SLC23A2: variants seen among roughly 807,000 people sequenced by gnomAD.
SLC23A2 encodes Na(+)/L-ascorbic acid transporter 2.
A neutral mutation model predicts 73.3 loss-of-function variants in SLC23A2; 36 were observed. The ratio of observed to expected loss-of-function variants is 0.49; its 90% CI spans 0.38 to 0.65. SLC23A2 has a LOEUF of 0.65. Ranked by LOEUF, SLC23A2 falls within the 30% of genes least tolerant of loss-of-function variation. SLC23A2 has a pLI of 0.00. For missense variants in SLC23A2, 507 were observed against 841.6 expected, an observed-to-expected ratio of 0.60 and a Z score of 4.92; for synonymous variants, 343 against 327.3, an observed-to-expected ratio of 1.05 and a Z score of -0.52.
chr20:4,969,719 G>A (rs1454731072), intron 2 of SLC23A2, among the ~76,000 whole-genome samples: 1 of 151,718 alleles, frequency 6.6e-6, no homozygotes, highest in Non-Finnish European at 1.5e-5. Flanking sequence ...AGAGTAGCTG[G>A]GACTATAGGC....
intron 8 of SLC23A2, among the ~76,000 whole-genome samples, chr20:4,884,494 T>C (rs1018288359): frequency 6.6e-6 from 1 of 152,188 alleles, no homozygotes; most frequent in African/African-American, 2.4e-5. Context: ...CAGCTAGCTG[T>C]GCTGGCGGGT....
chr20:4,997,512 G>A (rs78061398), intron 1 of SLC23A2, among the ~76,000 whole-genome samples: 4,225 of 151,966 alleles, frequency 0.028, 195 homozygotes, highest in African/African-American at 0.096. Flanking sequence ...CACCACCACC[G>A]AAAGAATTCA....
intron 9 of SLC23A2, among the ~76,000 whole-genome samples, chr20:4,881,031 C>T (rs2122822181): frequency 6.6e-6 from 1 of 152,228 alleles, no homozygotes; most frequent in Middle Eastern, 3.4e-3. Flanking sequence ...GAATTTGTTC[C>T]GGAGGAGGAA....
intron 2 of SLC23A2, among the ~76,000 whole-genome samples, chr20:4,941,678 G>A (rs1257199991): frequency 6.6e-6 from 1 of 151,654 alleles, no homozygotes; most frequent in African/African-American, 2.4e-5. Context: ...CTCCAGTCTG[G>A]GTGACAGGGT....
chr20:4,999,482 T>C (rs889792901), intron 1 of SLC23A2, among the ~76,000 whole-genome samples: 1 of 152,002 alleles, frequency 6.6e-6, no homozygotes, highest in African/African-American at 2.4e-5. Flanking sequence ...TAGTATGGCA[T>C]GAAACCTAGC....
At position 4,962,928 on chromosome 20, in the gene SLC23A2, G is replaced by A. The variant is rs568672847; in HGVS notation, c.-155+7865C>T. Reference sequence around the variant, plus strand: ...AGGAGAATCGCTTAGAACCAGGGAGGCGGAGGTTGCAAGTGAGCCAAGATA... The same window carrying A: ...AGGAGAATCGCTTAGAACCAGGGAGACGGAGGTTGCAAGTGAGCCAAGATA... On this transcript the variant is annotated intron_variant, in intron 2 of 16. Transcript: ENST00000338244. Among the ~76,000 whole-genome samples the A allele has an allele frequency of 1.3e-4, 20 of 152,270 alleles. No homozygotes were observed. In the South Asian group the frequency reaches 3.5e-3, roughly 27 times the overall value.
intron 1 of SLC23A2, among the ~76,000 whole-genome samples, chr20:4,977,637 G>A (rs1345277640): frequency 6.6e-6 from 1 of 151,238 alleles, no homozygotes; most frequent in African/African-American, 2.4e-5. Flanking sequence ...GGCAGAGGCT[G>A]CAGTGAGCTG....
chr20:4,861,253 G>C (rs1929955028), intron 15 of SLC23A2, among the ~76,000 whole-genome samples: 1 of 152,148 alleles, frequency 6.6e-6, no homozygotes, highest in African/African-American at 2.4e-5. Context: ...AATGAGTTTG[G>C]GGTTTTATTT....
intron 2 of SLC23A2, among the ~76,000 whole-genome samples, chr20:4,964,061 C>A (rs920642672): frequency 2.0e-5 from 3 of 150,790 alleles, no homozygotes; most frequent in African/African-American, 7.3e-5. Flanking sequence ...AGCTGGAGTG[C>A]AGTGGCACAA....
At position 4,874,715 on chromosome 20, in the gene SLC23A2, C is replaced by T. The variant is rs777172025; in HGVS notation, c.825-19G>A. 1.5e-5 allele frequency: 24 copies of T among 1,563,384 alleles called. No homozygotes were observed. The highest frequency in any genetic ancestry group is 2.1e-5 in the Non-Finnish European group (24 of 1,153,402). On this transcript the variant is annotated intron_variant, in intron 9 of 16. Coordinates refer to ENST00000338244, the MANE Select transcript of SLC23A2 (RefSeq NM_005116.6). ...TATTGTCCTGAGGAGAGAAAGAAAA[C>T]AAACTAGGTCAAAAGCTGTTATGTC...
rs574602800 is a variant in SLC23A2, at chr20:4,961,325, G to A, written c.-155+9468C>T. Among the ~76,000 whole-genome samples the A allele has an allele frequency of 6.5e-4, 98 of 151,852 alleles. 1 individual carries two copies. Among genetic ancestry groups the A allele is most frequent in the Admixed American group, 1.8e-3 (28 of 15,236 alleles). ...CTCGATCTCCCTGACCTCATGATCC[G>A]CCCACCTTGGCCTCCCAAAGTGCTG... On this transcript the variant is annotated intron_variant, in intron 2 of 16. Coordinates refer to ENST00000338244, the MANE Select transcript of SLC23A2 (RefSeq NM_005116.6).
In SLC23A2 at chr20:4,857,440, C is replaced by T. The variant is rs1463261746; in HGVS notation, c.1721-236G>A. Among the ~76,000 whole-genome samples the T allele has an allele frequency of 1.3e-5, 2 of 152,102 alleles. No individual in the cohort carries two copies. Among genetic ancestry groups the T allele is most frequent in the African/African-American group, 4.8e-5 (2 of 41,416 alleles). ...AAACCAGAAGTCTAAGAAGCACTAA[C>T]CCCTCCATGTCCTCATTCAAGCAAT... On this transcript the variant is annotated intron_variant, in intron 16 of 16. Coordinates refer to ENST00000338244, the MANE Select transcript of SLC23A2 (RefSeq NM_005116.6). This position sits in a 1 kb window ranked among gnomAD's most constrained non-coding sequence, Gnocchi z 4.0.
intron 1 of SLC23A2, among the ~76,000 whole-genome samples, chr20:4,978,938 T>C (rs2087685491): frequency 6.6e-6 from 1 of 152,094 alleles, no homozygotes; most frequent in Non-Finnish European, 1.5e-5. Flanking sequence ...ATTATCTAAG[T>C]ATGATGCAAA....
intron 6 of SLC23A2, among the ~76,000 whole-genome samples, chr20:4,896,798 C>T (rs1010265768): frequency 2.0e-5 from 3 of 152,202 alleles, no homozygotes; most frequent in African/African-American, 7.2e-5. Context: ...GCCCCGGGGG[C>T]GAGTCCCCTG....
chr20:4,945,475 A>C (rs2087106673), intron 2 of SLC23A2, among the ~76,000 whole-genome samples: 1 of 152,104 alleles, frequency 6.6e-6, no homozygotes, highest in East Asian at 1.9e-4. Flanking sequence ...TTGTAGAGAC[A>C]GGGTCTACTT....
chr20:4,884,199 C>T (rs569990976), intron 8 of SLC23A2, among the ~76,000 whole-genome samples: 1 of 152,170 alleles, frequency 6.6e-6, no homozygotes, highest in African/African-American at 2.4e-5. Context: ...CCCAGGACAT[C>T]GACAAGACAA....
At chr20:4,940,258 T>C (rs1443602462) in intron 2 of SLC23A2, among the ~76,000 whole-genome samples, 1 of 152,070 alleles carries the variant, frequency 6.6e-6, no homozygotes, top group Non-Finnish European at 1.5e-5. Flanking sequence ...GAGTTTGCAG[T>C]GAGCCAAGAT....
At chr20:4,984,171 G>A (rs555498934) in intron 1 of SLC23A2, among the ~76,000 whole-genome samples, 1 of 152,320 alleles carries the variant, frequency 6.6e-6, no homozygotes, top group South Asian at 2.1e-4. Context: ...AGGAGCCTGA[G>A]GCAGGAGTAT....
At chr20:4,898,896 G>A (rs539415132) in intron 6 of SLC23A2, among the ~76,000 whole-genome samples, 9 of 152,324 alleles carry the variant, frequency 5.9e-5, no homozygotes, top group Non-Finnish European at 1.0e-4. Flanking sequence ...CCACAGAGTC[G>A]GGAGGGCAGG....
Sources: gnomAD v4.1 joint callset for allele counts (sites outside exome capture counted in the v4.1 genomes callset) on GRCh38, gnomAD v4.1.1 for gene constraint, Gnocchi (gnomAD v3.1) non-coding constraint, MANE v1.5 for transcripts, NCBI Gene and HGNC (gene_info 2026-07-23, HGNC 2026-07-21) for gene names.